Variants in LRRCC1 observed in about 807,000 individuals in gnomAD.
LRRCC1 encodes leucine-rich repeat and coiled-coil domain-containing protein 1.
LRRCC1 carries 115 observed loss-of-function variants against 126.0 expected under a neutral mutation model. That is an observed-to-expected ratio of 0.91 (90% CI 0.78 to 1.07). The LOEUF (loss-of-function observed/expected upper bound fraction) is 1.07. Ranked by LOEUF, LRRCC1 falls within the 50% of genes least tolerant of loss-of-function variation. The pLI, the probability that LRRCC1 is intolerant of heterozygous loss-of-function variation, is 0.00. For missense variants in LRRCC1, 1,172 were observed against 1,175.7 expected (o/e 1.00, Z 0.05); for synonymous variants, 400 against 393.4 (o/e 1.02, Z -0.20).
At chr8:85,107,453 C>T (rs1808325847) in intron 1 of LRRCC1, 54 bp downstream of exon 1, 2 of 1,461,462 alleles carry the variant, frequency 1.4e-6, no homozygotes, top group South Asian at 2.5e-5. Flanking sequence ...GAGCCGGGGC[C>T]ACGAGTGGCT....
chr8:85,124,667 T>C, intron 7 of LRRCC1, 125 bp from the exon 8 acceptor site: 1 of 517,410 alleles, frequency 1.9e-6, no homozygotes, highest in East Asian at 3.5e-5. Flanking sequence ...TTGTCCAAGT[T>C]ACTATAATTT....
intron 14 of LRRCC1, among the ~76,000 whole-genome samples, chr8:85,137,039 C>T (rs1185194760): frequency 6.6e-6 from 1 of 152,144 alleles, no homozygotes; most frequent in African/African-American, 2.4e-5. Flanking sequence ...GTTGGCCAGG[C>T]TGGTTTCAAA....
At chr8:85,122,648 T>G (rs764388865) in intron 6 of LRRCC1, among the ~76,000 whole-genome samples, 12 of 152,210 alleles carry the variant, frequency 7.9e-5, no homozygotes, top group Admixed American at 3.3e-4. Flanking sequence ...TCATTGAACA[T>G]CACTATTGGA....
chr8:85,139,542 A>G (rs1452345794), intron 17 of LRRCC1, among the ~76,000 whole-genome samples: 1 of 152,166 alleles, frequency 6.6e-6, no homozygotes, highest in Non-Finnish European at 1.5e-5. Flanking sequence ...CTGGGATTAC[A>G]GGGGTGAGCC....
rs1810956901 is a variant in LRRCC1, at chr8:85,137,508, G to A, written c.2374G>A (p.Glu792Lys). The change falls in exon 15 of 19, where the codon GAG becomes AAG. Residue 792 changes from glutamate (E) to lysine (K), a missense_variant. Coordinates refer to ENST00000360375, the MANE Select transcript of LRRCC1 (RefSeq NM_033402.5). ...QNRGKLEAQI[E>K]SLSRENECLR... ...TCGTGGAAAATTGGAGGCTCAAATT[G>A]AGAGTTTATCTAGAGAGAATGAATG... 6.4e-7 allele frequency: 1 copy of A among 1,561,364 alleles called. No homozygotes were observed. Among genetic ancestry groups the A allele is most frequent in the Admixed American group, 2.1e-5 (1 of 47,736 alleles).
chr8:85,130,651 C>A (rs1810397939), intron 11 of LRRCC1, among the ~76,000 whole-genome samples: 1 of 152,092 alleles, frequency 6.6e-6, no homozygotes, highest in South Asian at 2.1e-4. Context: ...TCAAACCCAG[C>A]CAAAAGTTGG....
chr8:85,138,610 C>A, intron 17 of LRRCC1, 135 bp downstream of exon 17: 1 of 914,868 alleles, frequency 1.1e-6, no homozygotes, highest in Non-Finnish European at 1.6e-6. Context: ...ATTTCCATTT[C>A]ATCTGTAAAA....
At chr8:85,142,033 C>T (rs893697175) in intron 18 of LRRCC1, among the ~76,000 whole-genome samples, 5 of 152,116 alleles carry the variant, frequency 3.3e-5, no homozygotes, top group Non-Finnish European at 7.4e-5. Context: ...CAGTGGCTCA[C>T]GCAAGTAATC....
chr8:85,125,043 T>C, intron 8 of LRRCC1, 104 bp downstream of exon 8: 10 of 745,596 alleles, frequency 1.3e-5, no homozygotes, highest in Non-Finnish European at 2.1e-5. Context: ...TTGAATTTTA[T>C]TGGAGTGATG....
At chr8:85,121,408 TTTTTTTGTTTTG>T (rs1809536805) in intron 6 of LRRCC1, among the ~76,000 whole-genome samples, 2 of 152,124 alleles carry the variant, frequency 1.3e-5, no homozygotes, top group East Asian at 1.9e-4. Flanking sequence ...AGAATTCAGT[TTTTTTTGTTTTG>T]TTTTTTGTTT....
intron 6 of LRRCC1, among the ~76,000 whole-genome samples, chr8:85,122,212 T>C (rs1490127118): frequency 6.6e-6 from 1 of 152,234 alleles, no homozygotes; most frequent in African/African-American, 2.4e-5. Flanking sequence ...TTACAGCAGT[T>C]TGACTGCATT....
At chr8:85,139,945 T>C (rs1242441241) in intron 17 of LRRCC1, among the ~76,000 whole-genome samples, 2 of 152,250 alleles carry the variant, frequency 1.3e-5, no homozygotes, top group Non-Finnish European at 2.9e-5. Flanking sequence ...TGTTGATAGA[T>C]TCTGTTCCAC....
At chr8:85,137,740 G>T (rs910094899) in intron 15 of LRRCC1, 113 bp downstream of exon 15, 7 of 750,794 alleles carry the variant, frequency 9.3e-6, no homozygotes, top group East Asian at 3.0e-5. Flanking sequence ...AAAATTTGGG[G>T]TAGATATCAT....
rs1563963533 is a variant in LRRCC1, at chr8:85,144,466, ATATATATATT to A, written c.2977-921_2977-912del. 8.3e-3 allele frequency among the ~76,000 whole-genome samples: 695 copies of A among 83,970 alleles called. 8 individuals carry two copies. The highest frequency in any genetic ancestry group is 0.027 in the African/African-American group (548 of 20,632). 55.1% of individuals were successfully genotyped at this position (83,970 alleles called of 152,430 possible). On this transcript the variant is annotated intron_variant, in intron 18 of 18. Transcript: ENST00000360375. The stretch of plus-strand genomic sequence containing the variant: ...TGTGTATATATATATATATATATAT[ATATATATATT>A]TTTTTTTTTTTTGAGATGGAGTTTC...
At chr8:85,126,323 G>A (rs957812461) in intron 8 of LRRCC1, among the ~76,000 whole-genome samples, 2 of 152,078 alleles carry the variant, frequency 1.3e-5, no homozygotes, top group South Asian at 4.1e-4. Context: ...TTGGGAGGCC[G>A]AGGTGGGTGG....
chr8:85,139,044 CT>C, intron 17 of LRRCC1, among the ~76,000 whole-genome samples: 1 of 150,860 alleles, frequency 6.6e-6, no homozygotes, highest in East Asian at 1.9e-4. Context: ...GAAACTTTGT[CT>C]CAAAAAGAAA....
At chr8:85,111,166 T>C (rs1197766821) in intron 3 of LRRCC1, among the ~76,000 whole-genome samples, 3 of 152,080 alleles carry the variant, frequency 2.0e-5, no homozygotes, top group African/African-American at 7.2e-5. Flanking sequence ...TCACCTGAGA[T>C]AGGGAGTTCA....
Position 85,134,960 on chromosome 8 carries a change from T to G in LRRCC1, c.2082T>G (p.Cys694Trp), listed in dbSNP as rs760014579. ...ESSSLIKDLT[C>W]MVKEQKTKLA... ...CCTCTTTAATTAAAGATCTGACCTG[T>G]ATGGTAAAGGAACAAAAAACAAAAC... Residue 694 changes from cysteine to tryptophan, a missense_variant, in exon 13 of 19, where the codon TGT (cysteine) becomes TGG (tryptophan). Cys to Trp is a radical substitution (Grantham distance 215). Coordinates refer to ENST00000360375, the MANE Select transcript of LRRCC1 (RefSeq NM_033402.5). 4.0e-5 allele frequency: 63 copies of G among 1,575,064 alleles called. 1 individual carries two copies. The South Asian group carries it at 7.0e-4, about 17-fold the overall frequency.
At position 85,141,398 on chromosome 8, in the gene LRRCC1, C is replaced by G; in HGVS notation, c.2857C>G (p.Leu953Val). Residue 953 changes from leucine to valine, a missense_variant, in exon 18 of 19, where the codon CTT becomes GTT. Coordinates refer to ENST00000360375, the MANE Select transcript of LRRCC1 (RefSeq NM_033402.5). ...TTTTTTAAGGAATGCAATGGAAAAA[C>G]TTCATAGTATGGATGATGCCTTTAA... is the stretch of plus-strand genomic sequence containing the variant. ...IELQKNAMEK[L>V]HSMDDAFKRQ... 6.2e-7 allele frequency: 1 copy of G among 1,611,282 alleles called. No homozygotes were observed. The highest frequency in any genetic ancestry group is 8.5e-7 in the Non-Finnish European group (1 of 1,178,554).
Sources: gnomAD v4.1 joint callset for allele counts (sites outside exome capture counted in the v4.1 genomes callset) on GRCh38, gnomAD v4.1.1 for gene constraint, MANE v1.5 for transcripts, NCBI Gene and HGNC (gene_info 2026-07-23, HGNC 2026-07-21) for gene names.